The following TBC1D32 variants were observed in gnomAD, a reference collection of about 807,000 sequenced individuals.
The protein encoded by TBC1D32 is TBC1 domain family member 32.
A neutral mutation model predicts 170.3 loss-of-function variants in TBC1D32; 151 were observed. The ratio of observed to expected loss-of-function variants is 0.89; its 90% confidence interval spans 0.78 to 1.01. The LOEUF (loss-of-function observed/expected upper bound fraction) is 1.01, where lower values mean the gene tolerates loss of function less well. Among genes scored for constraint, TBC1D32 ranks in the 50% least tolerant of loss-of-function variants. The pLI is 0.00. For synonymous variants in TBC1D32, 498 were observed against 488.0 expected, an observed-to-expected ratio of 1.02 and a Z score of -0.27; for missense variants, 1,464 against 1,457.1, an observed-to-expected ratio of 1.00 and a Z score of -0.08.
At chr6:121,220,934 C>A (rs1312376497) in intron 21 of TBC1D32, among the ~76,000 whole-genome samples, 1 of 152,082 alleles carries the variant, frequency 6.6e-6, no homozygotes, top group Non-Finnish European at 1.5e-5. Context: ...AACAACGACG[C>A]CCGGCCAAGA....
At chr6:121,214,455 A>C (rs1793554483) in intron 21 of TBC1D32, among the ~76,000 whole-genome samples, 2 of 152,238 alleles carry the variant, frequency 1.3e-5, no homozygotes, top group African/African-American at 4.8e-5. Flanking sequence ...CATGGGGTCC[A>C]GCCACTGCTC....
At chr6:121,192,214 T>C (rs753201318) in intron 22 of TBC1D32, among the ~76,000 whole-genome samples, 1 of 151,908 alleles carries the variant, frequency 6.6e-6, no homozygotes, top group Non-Finnish European at 1.5e-5. Flanking sequence ...CTGCTTAATA[T>C]GTTCAGATCC....
At chr6:121,312,953 T>C (rs887091414) in intron 3 of TBC1D32, among the ~76,000 whole-genome samples, 1 of 152,184 alleles carries the variant, frequency 6.6e-6, no homozygotes, top group South Asian at 2.1e-4. Context: ...CACTGCACTC[T>C]GCAACTTGCC....
chr6:121,131,679 T>C lies in TBC1D32; in HGVS notation c.2847A>G (p.Gln949=). ...CTTTCATCATTTTGCAAAATTGTCT[T>C]TGGCAGTTTTCTATCCATTCAGTTT... is the stretch of plus-strand genomic sequence containing the variant. ...DKQTEWIENC[Q]RQFCKMMKAK... is the part of the protein sequence containing the mutation. The change falls in exon 25 of 32, where the codon CAA becomes CAG. Residue 949 remains glutamine, a synonymous_variant. Coordinates refer to ENST00000398212, the MANE Select transcript of TBC1D32 (RefSeq NM_152730.6). The C allele has an allele frequency of 6.2e-7, 1 of 1,611,754 alleles. No individual in the cohort carries two copies.
chr6:121,124,367 C>T (rs1780606297), intron 26 of TBC1D32, among the ~76,000 whole-genome samples: 1 of 151,946 alleles, frequency 6.6e-6, no homozygotes, highest in Non-Finnish European at 1.5e-5. Context: ...TTGTCCTACT[C>T]ATTCTTGTCC....
At chr6:121,245,135 C>T (rs540792493) in intron 17 of TBC1D32, among the ~76,000 whole-genome samples, 2 of 152,204 alleles carry the variant, frequency 1.3e-5, no homozygotes, top group Admixed American at 6.5e-5. Flanking sequence ...AGTCTGTCCA[C>T]ATGACAAATC....
In TBC1D32 at chr6:121,213,743, T is replaced by C. The variant is rs540453926; in HGVS notation, c.2482-8580A>G. ...CCAAAGCAATTTATAGATTCAACGA[T>C]ATTCCTATCAAACTAACAATGACAT... On this transcript the variant is annotated intron_variant, in intron 21 of 31. Coordinates refer to ENST00000398212, the MANE Select transcript of TBC1D32 (RefSeq NM_152730.6). Among the ~76,000 whole-genome samples the C allele has an allele frequency of 8.5e-5, 13 of 152,124 alleles. 2 individuals are homozygous for C. In the South Asian group the frequency reaches 2.7e-3, roughly 31 times the overall value.
chr6:121,159,428 T>C (rs539031630), intron 24 of TBC1D32, among the ~76,000 whole-genome samples: 20 of 152,330 alleles, frequency 1.3e-4, no homozygotes, highest in African/African-American at 4.6e-4. Context: ...ATCAAACAGC[T>C]GTTGCTACTG....
chr6:121,243,441 C>CA (rs1468192906), intron 17 of TBC1D32, among the ~76,000 whole-genome samples: 4 of 151,626 alleles, frequency 2.6e-5, no homozygotes, highest in Admixed American at 2.0e-4. Context: ...AGGATGTTCA[C>CA]AAAAAATCTG....
chr6:121,236,356 A>G (rs997441430), intron 20 of TBC1D32, among the ~76,000 whole-genome samples: 1 of 152,166 alleles, frequency 6.6e-6, no homozygotes, highest in Non-Finnish European at 1.5e-5. Context: ...ACAAGTTTGT[A>G]TAGCTGCATA....
chr6:121,181,999 T>C (rs928528340), intron 22 of TBC1D32, among the ~76,000 whole-genome samples: 1 of 152,026 alleles, frequency 6.6e-6, no homozygotes, highest in Non-Finnish European at 1.5e-5. Flanking sequence ...TATACATGGA[T>C]CAAAATATCA....
At chr6:121,088,519 T>C (rs1359770366) in intron 31 of TBC1D32, among the ~76,000 whole-genome samples, 1 of 152,126 alleles carries the variant, frequency 6.6e-6, no homozygotes, top group Non-Finnish European at 1.5e-5. Flanking sequence ...AAGAGACTAT[T>C]TCAGGGCCAA....
chr6:121,170,589 T>C, intron 22 of TBC1D32: 8 of 1,278,330 alleles, frequency 6.3e-6, no homozygotes, highest in South Asian at 2.1e-5. Flanking sequence ...CATAATTACA[T>C]CCTTGATGTC....
intron 21 of TBC1D32, among the ~76,000 whole-genome samples, chr6:121,212,728 T>A (rs1038910556): frequency 6.6e-6 from 1 of 152,076 alleles, no homozygotes. Context: ...CCCAAAATAC[T>A]GGGATTACAG....
At chr6:121,145,647 T>TGTTAC (rs1408456955) in intron 24 of TBC1D32, among the ~76,000 whole-genome samples, 1 of 152,224 alleles carries the variant, frequency 6.6e-6, no homozygotes, top group Admixed American at 6.5e-5. Context: ...ATTATGCATA[T>TGTTAC]GTTAATTGGC....
chr6:121,181,654 T>G (rs1247727575), intron 22 of TBC1D32, among the ~76,000 whole-genome samples: 1 of 152,136 alleles, frequency 6.6e-6, no homozygotes, highest in Non-Finnish European at 1.5e-5. Flanking sequence ...GAAATCAGTA[T>G]ATCAAAGAAG....
At chr6:121,286,423 A>G (rs1438785208) in intron 12 of TBC1D32, among the ~76,000 whole-genome samples, 1 of 152,196 alleles carries the variant, frequency 6.6e-6, no homozygotes, top group Non-Finnish European at 1.5e-5. Context: ...TGAAGCGAGA[A>G]GAGAAGTTTA....
intron 5 of TBC1D32, among the ~76,000 whole-genome samples, 200 bp from the exon 6 acceptor site, chr6:121,305,033 A>G (rs1807117100): frequency 1.3e-5 from 2 of 152,162 alleles, no homozygotes; most frequent in African/African-American, 4.8e-5. Flanking sequence ...TAATATGTGA[A>G]TCTAATAACA....
chr6:121,297,014 A>T (rs1271952715), intron 10 of TBC1D32, among the ~76,000 whole-genome samples: 1 of 151,170 alleles, frequency 6.6e-6, no homozygotes, highest in Non-Finnish European at 1.5e-5. Flanking sequence ...ACTTACTTAC[A>T]CTCCCTTCTT....
Sources: gnomAD v4.1 joint callset for allele counts (sites outside exome capture counted in the v4.1 genomes callset) on GRCh38, gnomAD v4.1.1 for gene constraint, MANE v1.5 for transcripts, NCBI Gene and HGNC (gene_info 2026-07-23, HGNC 2026-07-21) for gene names.